OCM: variants seen among roughly 807,000 people sequenced by gnomAD.
The protein encoded by OCM is oncomodulin-1.
In OCM, 18 loss-of-function variants were observed where a neutral mutation model predicts 14.1. The ratio of observed to expected loss-of-function variants is 1.28; its 90% CI spans 0.88 to 1.89. The LOEUF is 1.89. Ranked by LOEUF, OCM falls within the 40% of genes most tolerant of loss-of-function variation. OCM has a pLI of 0.00. For missense variants in OCM, 140 were observed against 137.6 expected, an observed-to-expected ratio of 1.02 and a Z score of -0.09; for synonymous variants, 48 against 51.0, an observed-to-expected ratio of 0.94 and a Z score of 0.25.
intron 2 of OCM, 55 bp from the exon 3 acceptor site, chr7:5,883,835 A>C (rs1352939151): frequency 1.3e-5 from 21 of 1,607,358 alleles, no homozygotes; most frequent in South Asian, 3.3e-5. Flanking sequence ...AAAAGTGTAA[A>C]CACAGAGATG....
the OCM span, among the ~76,000 whole-genome samples, chr7:5,870,851 C>T: frequency 6.6e-6 from 1 of 152,230 alleles, no homozygotes. Flanking sequence ...GTCACAACTA[C>T]CACATGAAAT....
upstream of OCM, chr7:5,880,679 A>G (rs1175188357): frequency 2.0e-6 from 1 of 498,104 alleles, no homozygotes; most frequent in Non-Finnish European, 3.6e-6. Context: ...GAATCACTTG[A>G]GCCCAGGAGG....
chr7:5,881,045 G>A (rs575696577), intron 1 of OCM, 95 bp downstream of exon 1: 23 of 1,270,444 alleles, frequency 1.8e-5, no homozygotes, highest in South Asian at 3.7e-5. Context: ...GCGGCCAGAC[G>A]CAGTGGCTCA....
At chr7:5,862,222 C>G in the OCM span, among the ~76,000 whole-genome samples, 1 of 152,204 alleles carries the variant, frequency 6.6e-6, no homozygotes, top group Non-Finnish European at 1.5e-5. Flanking sequence ...CCCAAACTCA[C>G]TATGCCAAAG....
upstream of OCM, among the ~76,000 whole-genome samples, chr7:5,879,065 G>C (rs1781156164): frequency 1.3e-5 from 2 of 152,000 alleles, no homozygotes; most frequent in Non-Finnish European, 2.9e-5. Flanking sequence ...GCCAGGCATG[G>C]TGGTGTGTGC....
chr7:5,882,565 A>G lies in OCM; in HGVS notation c.134A>G (p.Lys45Arg), dbSNP rs758237607. ...GLSKMSANQV[K>R]DVFRFIDNDQ... ...TCCAAGATGTCAGCCAATCAGGTGAAGGATGTTTTCCGGTTCATAGACAAC... is the reference window on the plus strand; with the variant it reads ...TCCAAGATGTCAGCCAATCAGGTGAGGGATGTTTTCCGGTTCATAGACAAC... Residue 45 changes from lysine (K) to arginine (R), a missense_variant, in exon 2 of 4, where the codon AAG (lysine) becomes AGG (arginine). Transcript: ENST00000242104. The G allele has an allele frequency of 6.2e-7, 1 of 1,614,176 alleles. No homozygotes were observed. Among genetic ancestry groups the G allele is most frequent in the Non-Finnish European group, 8.5e-7 (1 of 1,180,036 alleles).
chr7:5,860,528 GTGTATA>G, the OCM span, among the ~76,000 whole-genome samples: 1 of 84,620 alleles, frequency 1.2e-5, no homozygotes, highest in African/African-American at 4.6e-5. Context: ...ATATATACGT[GTGTATA>G]TATATTACGT....
intron 1 of OCM, 115 bp from the exon 2 acceptor site, chr7:5,882,378 C>T (rs41280699): frequency 0.036 from 45,858 of 1,268,014 alleles, 1,029 homozygotes; most frequent in Middle Eastern, 0.046. Flanking sequence ...TTGAGCATCC[C>T]CGTAGCTCAG....
the OCM span, among the ~76,000 whole-genome samples, chr7:5,866,508 G>A: frequency 4.0e-5 from 6 of 151,560 alleles, no homozygotes; most frequent in African/African-American, 7.3e-5. Context: ...GAGGGAGGGA[G>A]GGAAGGAAGG....
the OCM span, among the ~76,000 whole-genome samples, chr7:5,862,145 T>C: frequency 2.6e-5 from 4 of 152,068 alleles, no homozygotes; most frequent in Non-Finnish European, 5.9e-5. Context: ...ATACTGAAAG[T>C]TCGTTTTAAA....
the OCM span, among the ~76,000 whole-genome samples, chr7:5,872,761 T>G: frequency 6.6e-6 from 1 of 152,144 alleles, no homozygotes; most frequent in African/African-American, 2.4e-5. Context: ...GTCCTCTGCC[T>G]AGGAAAACCA....
intron 2 of OCM, among the ~76,000 whole-genome samples, 168 bp downstream of exon 2, chr7:5,882,793 A>G (rs1333740359): frequency 6.6e-6 from 1 of 151,032 alleles, no homozygotes; most frequent in Non-Finnish European, 1.5e-5. Flanking sequence ...ACATCTACCC[A>G]TGCAAAGCCC....
At chr7:5,870,721 A>G in the OCM span, among the ~76,000 whole-genome samples, 1 of 152,212 alleles carries the variant, frequency 6.6e-6, no homozygotes, top group African/African-American at 2.4e-5. Context: ...TTTGCTGAGT[A>G]CAGAAGTGCT....
At chr7:5,878,455 G>T (rs1209169088), upstream of OCM, among the ~76,000 whole-genome samples, 1 of 151,434 alleles carries the variant, frequency 6.6e-6, no homozygotes, top group Non-Finnish European at 1.5e-5. Flanking sequence ...ACTTAAAAAT[G>T]GTTAAGATTG....
At chr7:5,860,554 T>TA in the OCM span, among the ~76,000 whole-genome samples, 1 of 106,106 alleles carries the variant, frequency 9.4e-6, no homozygotes. Flanking sequence ...TATATATACG[T>TA]GTATATATAC....
At chr7:5,880,650 TG>T (rs905873326), upstream of OCM, 19 of 431,052 alleles carry the variant, frequency 4.4e-5, no homozygotes, top group African/African-American at 3.8e-4. Context: ...TCCCAGCTAC[TG>T]GGAAGGCTTA....
the OCM span, among the ~76,000 whole-genome samples, chr7:5,874,059 TAAAAA>T: frequency 3.0e-5 from 4 of 131,872 alleles, no homozygotes; most frequent in Admixed American, 3.3e-4. Context: ...CTACTAAAAA[TAAAAA>T]AAAAAAAAAA....
chr7:5,868,440 C>G, the OCM span, among the ~76,000 whole-genome samples: 2 of 152,156 alleles, frequency 1.3e-5, no homozygotes, highest in Admixed American at 1.3e-4. Context: ...AGCCACCGCG[C>G]CCGGCCACTC....
chr7:5,864,559 C>G, the OCM span, among the ~76,000 whole-genome samples: 3 of 152,040 alleles, frequency 2.0e-5, no homozygotes, highest in Admixed American at 6.6e-5. Flanking sequence ...AGATGCAAAA[C>G]CAGCAAGAAA....
Sources: allele counts gnomAD v4.1 joint callset (sites outside exome capture counted in the v4.1 genomes callset), GRCh38; gene constraint gnomAD v4.1.1; transcripts MANE v1.5; gene names NCBI Gene and HGNC (gene_info 2026-07-23, HGNC 2026-07-21).